F13A1: variants seen among roughly 807,000 people sequenced by gnomAD.
F13A1 encodes FSF, A subunit.
Under a neutral mutation model 80.1 loss-of-function variants are expected in F13A1, and 47 were observed. That is an observed-to-expected ratio of 0.59 (90% CI 0.46 to 0.75). F13A1 has a LOEUF of 0.75. Ranked by LOEUF, F13A1 falls within the 30% of genes least tolerant of loss-of-function variation. The pLI, the probability that F13A1 is intolerant of heterozygous loss-of-function variation, is 0.00. For synonymous variants in F13A1, 349 were observed against 344.9 expected, an observed-to-expected ratio of 1.01 and a Z score of -0.13; for missense variants, 817 against 930.4, an observed-to-expected ratio of 0.88 and a Z score of 1.59.
In F13A1 at chr6:6,182,092, A is replaced by T. The variant is rs758588092; in HGVS notation, c.1355T>A (p.Val452Glu). ...YITAKKDGTHVVENVDATHIG... is the reference protein window; with the variant it reads ...YITAKKDGTHEVENVDATHIG... ...GTGGGTGGCATCCACATTTTCCACC[A>T]CATGAGTGCCATCTTTCTTAGCTGT... Residue 452 changes from valine (V) to glutamate (E), a missense_variant, in exon 11 of 15, where the codon GTG becomes GAG. Physicochemically the swap from Val to Glu is moderately radical, Grantham distance 121 (BLOSUM62 -2). Coordinates refer to ENST00000264870, the MANE Select transcript of F13A1 (RefSeq NM_000129.4). The T allele has an allele frequency of 6.2e-7, 1 of 1,614,194 alleles. No homozygotes were observed. The highest frequency in any genetic ancestry group is 1.7e-5 in the Admixed American group (1 of 60,030).
chr6:6,169,245 C>G (rs1760729817), intron 12 of F13A1: 2 of 152,310 alleles, frequency 1.3e-5, no homozygotes, highest in Admixed American at 1.3e-4. Context: ...CTGCAGACAG[C>G]CTGGGTTCCA....
At chr6:6,260,132 G>A (rs987988683) in intron 4 of F13A1, among the ~76,000 whole-genome samples, 6 of 152,098 alleles carry the variant, frequency 3.9e-5, no homozygotes, top group African/African-American at 9.7e-5. Flanking sequence ...CCCGAAGCCC[G>A]GTTAGCACCA....
intron 10 of F13A1, among the ~76,000 whole-genome samples, chr6:6,190,305 T>G (rs1029023816): frequency 2.6e-5 from 4 of 152,260 alleles, no homozygotes; most frequent in Admixed American, 6.5e-5. Flanking sequence ...GCGCTCTTCT[T>G]TCTAGAGTTT....
chr6:6,189,874 A>G (rs569088234), intron 10 of F13A1, among the ~76,000 whole-genome samples: 1 of 152,158 alleles, frequency 6.6e-6, no homozygotes, highest in East Asian at 1.9e-4. Context: ...TGAGACGTAG[A>G]TTTGGTCTTT....
intron 13 of F13A1, among the ~76,000 whole-genome samples, chr6:6,153,615 G>A (rs35069188): frequency 0.011 from 1,728 of 152,252 alleles, 11 homozygotes; most frequent in Non-Finnish European, 0.017. Flanking sequence ...ACTAGGAGAG[G>A]GGCAGACGAT....
chr6:6,306,720 C>A (rs568906179), intron 2 of F13A1, among the ~76,000 whole-genome samples: 1 of 152,376 alleles, frequency 6.6e-6, no homozygotes, highest in African/African-American at 2.4e-5. Context: ...CCTCCCCCTC[C>A]CTGCCCCTGC....
intron 3 of F13A1, among the ~76,000 whole-genome samples, chr6:6,299,985 C>T (rs888132785): frequency 6.8e-6 from 1 of 147,330 alleles, no homozygotes; most frequent in East Asian, 1.9e-4. Context: ...CACTCAGCTG[C>T]AGGTCTGTTG....
intron 5 of F13A1, 142 bp from the exon 6 acceptor site, chr6:6,248,561 T>C (rs1484945960): frequency 8.5e-6 from 6 of 703,590 alleles, no homozygotes; most frequent in Admixed American, 6.5e-5. Context: ...ATCTTTAGTA[T>C]GAAATATTAA....
At chr6:6,194,554 G>T (rs2151081761) in intron 10 of F13A1, among the ~76,000 whole-genome samples, 1 of 152,230 alleles carries the variant, frequency 6.6e-6, no homozygotes, top group Non-Finnish European at 1.5e-5. Context: ...CTTCCTAGAT[G>T]GTGTCTTGTG....
intron 2 of F13A1, 77 bp from the exon 3 acceptor site, chr6:6,305,616 AT>A (rs1282137743): frequency 2.9e-5 from 44 of 1,498,790 alleles, no homozygotes; most frequent in Non-Finnish European, 4.0e-5. Context: ...AAACAAGATT[AT>A]TTTCCCTGAA....
chr6:6,262,600 G>C (rs971353699), intron 4 of F13A1, among the ~76,000 whole-genome samples: 2 of 151,634 alleles, frequency 1.3e-5, no homozygotes, highest in Non-Finnish European at 2.9e-5. Context: ...CCTGTAATAA[G>C]TTCACCTTCT....
intron 8 of F13A1, among the ~76,000 whole-genome samples, chr6:6,202,002 AGT>A (rs1239530366): frequency 6.6e-6 from 1 of 152,218 alleles, no homozygotes; most frequent in Non-Finnish European, 1.5e-5. Context: ...TAGGGTACAA[AGT>A]GATGATTTTA....
At chr6:6,206,836 A>G (rs568911261) in intron 8 of F13A1, among the ~76,000 whole-genome samples, 3 of 150,610 alleles carry the variant, frequency 2.0e-5, no homozygotes, top group South Asian at 4.3e-4. Flanking sequence ...TTCAGCAGAT[A>G]TATGTCAGGA....
rs1440306878 is a variant in F13A1 at position 6,153,057 on chromosome 6, C to G, written c.1909-1108G>C. Among the ~76,000 whole-genome samples the G allele has an allele frequency of 3.3e-5, 5 of 152,306 alleles. No homozygotes were observed. The South Asian group carries it at 8.3e-4, about 25-fold the overall frequency. On this transcript the variant is annotated intron_variant, in intron 13 of 14. Transcript: ENST00000264870. Reference sequence around the variant, plus strand: ...TGCTCTGGGTAGTTTGTCTTATTCACCTTATATTTCAGCCCACTTTTAACT... The same window carrying G: ...TGCTCTGGGTAGTTTGTCTTATTCAGCTTATATTTCAGCCCACTTTTAACT...
At chr6:6,284,078 A>C (rs1462341085) in intron 3 of F13A1, among the ~76,000 whole-genome samples, 1 of 152,240 alleles carries the variant, frequency 6.6e-6, no homozygotes, top group Non-Finnish European at 1.5e-5. Flanking sequence ...GAGCAAAAAG[A>C]GATTTGTTTC....
chr6:6,145,987 C>T (rs1345236494), intron 14 of F13A1, among the ~76,000 whole-genome samples: 1 of 152,182 alleles, frequency 6.6e-6, no homozygotes, highest in East Asian at 1.9e-4. Flanking sequence ...CTTATTGGGT[C>T]ATGGTTCCTT....
chr6:6,221,982 T>G, intron 8 of F13A1, 51 bp downstream of exon 8: 1 of 1,602,026 alleles, frequency 6.2e-7, no homozygotes. Flanking sequence ...GGTAAATGTG[T>G]AACATTACTA....
chr6:6,247,428 TCTA>T (rs1390501690), intron 6 of F13A1, among the ~76,000 whole-genome samples: 1 of 152,190 alleles, frequency 6.6e-6, no homozygotes, highest in Non-Finnish European at 1.5e-5. Context: ...TCAGAAATAA[TCTA>T]CTCTTCAGCC....
In F13A1 at chr6:6,182,093, C is replaced by T. The variant is rs373405542; in HGVS notation, c.1354G>A (p.Val452Met). ...TGGGTGGCATCCACATTTTCCACCACATGAGTGCCATCTTTCTTAGCTGTA... is the reference window on the plus strand; with the variant it reads ...TGGGTGGCATCCACATTTTCCACCATATGAGTGCCATCTTTCTTAGCTGTA... ...YITAKKDGTH[V>M]VENVDATHIG... The change falls in exon 11 of 15, where the codon GTG becomes ATG. Residue 452 changes from valine to methionine, a missense_variant. Val to Met is a conservative substitution (Grantham distance 21). Coordinates refer to ENST00000264870, the MANE Select transcript of F13A1 (RefSeq NM_000129.4). The T allele has an allele frequency of 1.2e-6, 2 of 1,614,202 alleles. No homozygotes were observed. The highest frequency in any genetic ancestry group is 1.7e-6 in the Non-Finnish European group (2 of 1,180,014).
Sources: gnomAD v4.1 joint callset for allele counts (sites outside exome capture counted in the v4.1 genomes callset) on GRCh38, gnomAD v4.1.1 for gene constraint, MANE v1.5 for transcripts, NCBI Gene and HGNC (gene_info 2026-07-23, HGNC 2026-07-21) for gene names.